The following CNTNAP2 variants were observed in gnomAD, a reference collection of about 807,000 sequenced individuals.
The protein encoded by CNTNAP2 is contactin associated protein 2, also known as contactin-associated protein-like 2.
A neutral mutation model predicts 155.2 loss-of-function variants in CNTNAP2; 98 were observed. That is an observed-to-expected ratio of 0.63 (90% CI 0.54 to 0.75). The LOEUF (loss-of-function observed/expected upper bound fraction) is 0.75, where lower values mean the gene tolerates loss of function less well. Ranked by LOEUF, CNTNAP2 falls within the 30% of genes least tolerant of loss-of-function variation. The pLI, the probability that CNTNAP2 is intolerant of heterozygous loss-of-function variation, is 0.00. For synonymous variants in CNTNAP2, 651 were observed against 631.2 expected, an observed-to-expected ratio of 1.03 and a Z score of -0.47; for missense variants, 1,727 against 1,688.1, an observed-to-expected ratio of 1.02 and a Z score of -0.40.
At chr7:147,993,862 C>A (rs1421967197) in intron 15 of CNTNAP2, among the ~76,000 whole-genome samples, 2 of 152,050 alleles carry the variant, frequency 1.3e-5, no homozygotes, top group African/African-American at 4.8e-5. Context: ...AATAGCCAGG[C>A]CTCCTTCCTA....
intron 17 of CNTNAP2, among the ~76,000 whole-genome samples, chr7:148,156,534 A>G (rs1425713010): frequency 1.3e-5 from 2 of 152,042 alleles, no homozygotes; most frequent in South Asian, 2.1e-4. Flanking sequence ...TCTCATCCGA[A>G]TATTGTCTTG....
chr7:147,176,988 T>G (rs937579135), intron 8 of CNTNAP2, among the ~76,000 whole-genome samples: 2 of 139,856 alleles, frequency 1.4e-5, no homozygotes, highest in African/African-American at 2.6e-5. Flanking sequence ...ATTATAGATA[T>G]AATTCTATAT....
intron 18 of CNTNAP2, among the ~76,000 whole-genome samples, chr7:148,174,929 C>G (rs1055684799): frequency 6.6e-6 from 1 of 152,004 alleles, no homozygotes; most frequent in Non-Finnish European, 1.5e-5. Flanking sequence ...CCCAACAGAC[C>G]CCTGTGTGTG....
chr7:147,680,361 A>G (rs1302438502), intron 13 of CNTNAP2, among the ~76,000 whole-genome samples: 5 of 151,944 alleles, frequency 3.3e-5, no homozygotes, highest in Non-Finnish European at 5.9e-5. Context: ...CAATGAGAAT[A>G]TCATCTGTTT....
At chr7:148,157,147 G>A (rs372067972) in intron 17 of CNTNAP2, among the ~76,000 whole-genome samples, 7 of 152,130 alleles carry the variant, frequency 4.6e-5, no homozygotes, top group South Asian at 2.1e-4. Context: ...ACTTGACTTC[G>A]TCTTCTTCAT....
At chr7:147,368,016 C>A (rs1563177914) in intron 9 of CNTNAP2, among the ~76,000 whole-genome samples, 1 of 104,962 alleles carries the variant, frequency 9.5e-6, no homozygotes, top group Non-Finnish European at 1.9e-5. Context: ...CTCTCTCTCC[C>A]CCCCCTCCCC....
intron 13 of CNTNAP2, among the ~76,000 whole-genome samples, chr7:147,763,247 A>T (rs1205472609): frequency 6.8e-6 from 1 of 146,152 alleles, no homozygotes; most frequent in African/African-American, 2.6e-5. Context: ...CAACAAGAGC[A>T]GAAACTCAGT....
intron 4 of CNTNAP2, among the ~76,000 whole-genome samples, chr7:147,087,359 A>G (rs995879302): frequency 6.6e-6 from 1 of 152,070 alleles, no homozygotes; most frequent in Admixed American, 6.6e-5. Flanking sequence ...AGACACATGA[A>G]TTTTCTTTGT....
At chr7:146,733,747 G>C (rs1801566029) in intron 1 of CNTNAP2, among the ~76,000 whole-genome samples, 1 of 152,100 alleles carries the variant, frequency 6.6e-6, no homozygotes, top group Non-Finnish European at 1.5e-5. Flanking sequence ...AAAGGAGCCA[G>C]ACAAGACTTG....
intron 1 of CNTNAP2, among the ~76,000 whole-genome samples, chr7:146,440,586 AT>A (rs1382633224): frequency 4.0e-5 from 6 of 151,546 alleles, no homozygotes; most frequent in Non-Finnish European, 7.4e-5. Flanking sequence ...GTATATCTTC[AT>A]TTTTAAAAAA....
At chr7:146,563,662 T>TA (rs1413927066) in intron 1 of CNTNAP2, among the ~76,000 whole-genome samples, 1 of 152,148 alleles carries the variant, frequency 6.6e-6, no homozygotes, top group Non-Finnish European at 1.5e-5. Context: ...TTCTTGATCT[T>TA]ACGGTGTCTG....
intron 8 of CNTNAP2, among the ~76,000 whole-genome samples, chr7:147,271,159 A>G (rs1191971647): frequency 2.0e-5 from 3 of 152,320 alleles, no homozygotes; most frequent in Non-Finnish European, 2.9e-5. Flanking sequence ...TCATGATAAC[A>G]CCTCGTTAAA....
intron 18 of CNTNAP2, among the ~76,000 whole-genome samples, chr7:148,177,630 G>A (rs2906285): frequency 0.029 from 4,394 of 152,218 alleles, 215 homozygotes; most frequent in African/African-American, 0.1. Context: ...TGTTAGCATC[G>A]TTTAATCCTC....
In CNTNAP2 at chr7:147,381,019, T is replaced by A. The variant is rs114506401; in HGVS notation, c.1499-14590T>A. 6.6e-3 allele frequency among the ~76,000 whole-genome samples: 1,009 copies of A among 152,224 alleles called. 11 individuals are homozygous for A. The highest frequency in any genetic ancestry group is 0.023 in the African/African-American group (947 of 41,554). On this transcript the variant is annotated intron_variant, in intron 9 of 23. Coordinates refer to ENST00000361727, the MANE Select transcript of CNTNAP2 (RefSeq NM_014141.6). Reference sequence around the variant, plus strand: ...TTAAATAGAGTGAAAAACGAATCTCTCAAATACAAAATATTTTTAAACGTG... The same window carrying A: ...TTAAATAGAGTGAAAAACGAATCTCACAAATACAAAATATTTTTAAACGTG...
At chr7:146,550,401 G>GTTTTTTTTTTTTTTTTTTTTTTTT (rs10673467) in intron 1 of CNTNAP2, among the ~76,000 whole-genome samples, 1 of 54,382 alleles carries the variant, frequency 1.8e-5, no homozygotes, top group African/African-American at 7.1e-5. Context: ...CCATTAATCT[G>GTTTTTTTTTTTTTTTTTTTTTTTT]TTTTTTTTTT....
chr7:147,637,722 T>C (rs1328827950), intron 12 of CNTNAP2, among the ~76,000 whole-genome samples: 2 of 152,196 alleles, frequency 1.3e-5, no homozygotes, highest in South Asian at 2.1e-4. Context: ...ATAGACTTGG[T>C]CAAATTCATG....
intron 1 of CNTNAP2, among the ~76,000 whole-genome samples, chr7:146,705,398 G>A (rs962999214): frequency 6.6e-6 from 1 of 151,974 alleles, no homozygotes; most frequent in African/African-American, 2.4e-5. Context: ...CTGTGTTCTC[G>A]CATGGTGGGG....
intron 1 of CNTNAP2, among the ~76,000 whole-genome samples, chr7:146,701,508 T>G (rs1259490181): frequency 6.6e-6 from 1 of 152,164 alleles, no homozygotes; most frequent in Non-Finnish European, 1.5e-5. Context: ...TATATATTCT[T>G]CCAGTCTTTC....
chr7:147,395,526 T>C (rs1796798798), intron 9 of CNTNAP2, 83 bp from the exon 10 acceptor site: 2 of 1,343,792 alleles, frequency 1.5e-6, no homozygotes, highest in Admixed American at 1.7e-5. Context: ...GTGATGGCTG[T>C]GGCCAGGTAG....
Sources: allele counts gnomAD v4.1 joint callset (sites outside exome capture counted in the v4.1 genomes callset), GRCh38; gene constraint gnomAD v4.1.1; transcripts MANE v1.5; gene names NCBI Gene and HGNC (gene_info 2026-07-23, HGNC 2026-07-21).